The following ZMAT1 variants were observed in gnomAD, a reference collection of about 807,000 sequenced individuals.
ZMAT1 encodes zinc finger matrin-type 1.
ZMAT1 carries 11 observed loss-of-function variants against 18.5 expected under a neutral mutation model. The ratio of observed to expected loss-of-function variants is 0.59; its 90% CI spans 0.37 to 0.98. The LOEUF (loss-of-function observed/expected upper bound fraction) is 0.98, where lower values mean the gene tolerates loss of function less well. Ranked by LOEUF, ZMAT1 falls within the 50% of genes least tolerant of loss-of-function variation. The probability of loss-of-function intolerance (pLI) is 0.01; values close to 1 mark genes in which losing one functional copy is unlikely to be tolerated. For synonymous variants in ZMAT1, 211 were observed against 176.4 expected, an observed-to-expected ratio of 1.20 and a Z score of -1.55; for missense variants, 525 against 496.2, an observed-to-expected ratio of 1.06 and a Z score of -0.55.
chrX:101,890,867 A>G (rs1927334682), intron 4 of ZMAT1, among the ~76,000 whole-genome samples: 1 of 111,572 alleles, frequency 9.0e-6, no homozygotes, highest in African/African-American at 3.3e-5. Flanking sequence ...GCTTACAGGA[A>G]CTTCTTAAAA....
chrX:101,911,398 T>C, intron 1 of ZMAT1: 1 of 362,722 alleles, frequency 2.8e-6, no homozygotes, highest in South Asian at 5.1e-5. Context: ...TATAATACTA[T>C]AACAGAGGTG....
intron 1 of ZMAT1, among the ~76,000 whole-genome samples, chrX:101,929,422 ATTATATATATATATAT>A (rs1359187551): frequency 1.3e-4 from 3 of 23,791 alleles, no homozygotes; most frequent in Admixed American, 7.1e-4. Flanking sequence ...ATAGAGAGAG[ATTATATATATATATAT>A]ATATATATAT....
chrX:101,908,559 G>A (rs1210460711), intron 1 of ZMAT1, among the ~76,000 whole-genome samples: 2 of 111,583 alleles, frequency 1.8e-5, no homozygotes, highest in Non-Finnish European at 3.8e-5. Flanking sequence ...CCCCATCCCT[G>A]CAGCTGCAGC....
intron 1 of ZMAT1, among the ~76,000 whole-genome samples, chrX:101,925,308 G>C (rs1000661855): frequency 1.8e-4 from 20 of 112,210 alleles, no homozygotes; most frequent in African/African-American, 6.5e-4. Context: ...TCAGCATTTG[G>C]TGGGAGAAAT....
chrX:101,904,238 T>A lies in ZMAT1; in HGVS notation c.385A>T (p.Ile129Phe). ...GVMLQFESQR[I>F]SHYEGEKHAQ... ...TTTTAACCTACCTCATAATGTGAAATTCTTTGTGATTCAAACTGTAGCATC... is the reference window on the plus strand; with the variant it reads ...TTTTAACCTACCTCATAATGTGAAAATCTTTGTGATTCAAACTGTAGCATC... Residue 129 changes from isoleucine to phenylalanine, a missense_variant, in exon 2 of 6, where the codon ATT becomes TTT. By Grantham distance (21) the Ile-to-Phe change is conservative. Transcript: ENST00000651725. The A allele has an allele frequency of 8.3e-7, 1 of 1,198,744 alleles. No individual in the cohort carries two copies.
Position 101,898,057 on chromosome X carries a change from A to C in ZMAT1, c.502-15T>G. On this transcript the variant is annotated splice_polypyrimidine_tract_variant and intron_variant, in intron 3 of 5. Transcript: ENST00000651725. ...TACCTATGCACCTGAAATAGGCACA[A>C]TCTTGTTAGAAAGATTCAATAACTC... The C allele has an allele frequency of 1.7e-6, 2 of 1,210,171 alleles. No homozygotes were observed. Among genetic ancestry groups the C allele is most frequent in the Non-Finnish European group, 2.2e-6 (2 of 894,344 alleles).
intron 4 of ZMAT1, chrX:101,894,333 T>C (rs1927644109): frequency 5.3e-6 from 3 of 570,933 alleles, no homozygotes; most frequent in Non-Finnish European, 6.4e-6. Flanking sequence ...CCTGAACTAA[T>C]GTGGGAAGCG....
Position 101,884,057 on chromosome X carries a change from C to T in ZMAT1, c.1541G>A (p.Ser514Asn). 2 of 1,209,641 alleles carry T rather than the reference C, an allele frequency of 1.7e-6. No homozygotes were observed. The highest frequency in any genetic ancestry group is 2.2e-6 in the Non-Finnish European group (2 of 895,168). Residue 514 changes from serine to asparagine, a missense_variant, in exon 6 of 6, where the codon AGT becomes AAT. Transcript: ENST00000651725. The stretch of plus-strand genomic sequence containing the variant: ...CTGGTTTTCCACTACTTGTGAAATA[C>T]TATATGGTCCTGAATAGGTCTGGAA... ...ETFQTYSGPY[S>N]ISQVVENQLP...
In ZMAT1 at chrX:101,883,339, T is replaced by A. The variant is rs766439828; in HGVS notation, c.*171A>T. On this transcript the variant is annotated 3_prime_UTR_variant, in exon 6 of 6. Transcript: ENST00000651725. ...TCTCAGAGGTTAAGTTTGGGCTTTT[T>A]TTTTCCTTCTTTTAATTCAATTTAA... The A allele has an allele frequency of 3.1e-4, 108 of 344,531 alleles. 1 individual carries two copies. The highest frequency in any genetic ancestry group is 2.8e-3 in the African/African-American group (101 of 36,551). 28.4% of individuals were successfully genotyped at this position (344,531 alleles called of 1,213,427 possible).
chrX:101,920,337 G>A (rs1308060445), intron 1 of ZMAT1, among the ~76,000 whole-genome samples: 7 of 111,804 alleles, frequency 6.3e-5, no homozygotes, highest in Admixed American at 4.8e-4. Flanking sequence ...GAGCCACTGT[G>A]CCCAGCCTAG....
chrX:101,914,137 G>C (rs985002662), intron 1 of ZMAT1, among the ~76,000 whole-genome samples: 1 of 110,913 alleles, frequency 9.0e-6, no homozygotes, highest in Non-Finnish European at 1.9e-5. Flanking sequence ...AAAATTTCTT[G>C]AAACAAATAA....
intron 1 of ZMAT1, among the ~76,000 whole-genome samples, chrX:101,908,405 C>T (rs1342542421): frequency 2.7e-5 from 3 of 111,527 alleles, no homozygotes; most frequent in Non-Finnish European, 5.6e-5. Context: ...ACCAAGTTAA[C>T]AACTATCTAC....
At chrX:101,929,450 T>C (rs190404202) in intron 1 of ZMAT1, among the ~76,000 whole-genome samples, 5,771 of 50,118 alleles carry the variant, frequency 0.12, 183 homozygotes, top group African/African-American at 0.17. Flanking sequence ...TATATATATA[T>C]ATATATACAC....
chrX:101,884,004 T>G lies in ZMAT1; in HGVS notation c.1594A>C (p.Ser532Arg), dbSNP rs1297170341. The G allele has an allele frequency of 8.3e-7, 1 of 1,210,891 alleles. No individual in the cohort carries two copies. The highest frequency in any genetic ancestry group is 1.1e-6 in the Non-Finnish European group (1 of 895,198). Residue 532 changes from serine to arginine, a missense_variant, in exon 6 of 6, where the codon AGC (serine) becomes CGC (arginine). Ser to Arg is a moderately radical substitution (Grantham distance 110, BLOSUM62 -1). Transcript: ENST00000651725. ...CTAATAGAATCTAGTCTCTGTTTGC[T>G]ATCATGAGCTGGTAAGCAATGAGGT... The part of the protein sequence containing the change: ...QLPHCLPAHD[S>R]KQRLDSISYC...
chrX:101,891,042 TTG>T (rs1927354313), intron 4 of ZMAT1, among the ~76,000 whole-genome samples: 1 of 111,057 alleles, frequency 9.0e-6, no homozygotes, highest in East Asian at 2.8e-4. Flanking sequence ...GGTTGGTCAA[TTG>T]TGTGTTTTAG....
rs749534682 is a variant in ZMAT1, at chrX:101,895,562, T to C, written c.676+2306A>G. ...TGTTTTATAAAACACAAACTTCCTA[T>C]GAAAAAGTTTTGGGATAATTTTATG... On this transcript the variant is annotated intron_variant, in intron 4 of 5. Coordinates refer to ENST00000651725, the MANE Select transcript of ZMAT1 (RefSeq NM_001394560.1). Among the ~76,000 whole-genome samples, 6 of 111,672 alleles carry C rather than the reference T, an allele frequency of 5.4e-5. No individual in the cohort carries two copies. In the South Asian group the frequency reaches 1.5e-3, roughly 28 times the overall value.
intron 5 of ZMAT1, among the ~76,000 whole-genome samples, chrX:101,886,322 C>G (rs930136485): frequency 9.0e-6 from 1 of 111,428 alleles, no homozygotes. Context: ...CCAAGCAAAC[C>G]TTCCAGAAAT....
At chrX:101,910,225 T>C (rs886296807) in intron 1 of ZMAT1, among the ~76,000 whole-genome samples, 13 of 112,454 alleles carry the variant, frequency 1.2e-4, no homozygotes, top group African/African-American at 3.9e-4. Context: ...AGGGCCTGGG[T>C]GCCCCAGAAA....
intron 1 of ZMAT1, among the ~76,000 whole-genome samples, chrX:101,929,435 A>ATATTCTATATATATAGAT (rs1930310473): frequency 2.8e-5 from 2 of 71,227 alleles, no homozygotes; most frequent in African/African-American, 1.9e-4. Flanking sequence ...ATATATATAT[A>ATATTCTATATATATAGAT]TATATATATA....
Sources: gnomAD v4.1 joint callset for allele counts (sites outside exome capture counted in the v4.1 genomes callset) on GRCh38, gnomAD v4.1.1 for gene constraint, MANE v1.5 for transcripts, NCBI Gene and HGNC (gene_info 2026-07-23, HGNC 2026-07-21) for gene names.